FANCC: variants seen among roughly 807,000 people sequenced by gnomAD.
The protein encoded by FANCC is FA complementation group C, also known as Fanconi anemia group C protein.
In FANCC, 55 loss-of-function variants were observed where a neutral mutation model predicts 71.3. The observed-to-expected ratio is 0.77, with a 90% CI of 0.62 to 0.97. The LOEUF is 0.97. Ranked by LOEUF, FANCC falls within the 50% of genes least tolerant of loss-of-function variation. The pLI is 0.00. For synonymous variants in FANCC, 275 were observed against 244.9 expected, an observed-to-expected ratio of 1.12 and a Z score of -1.15; for missense variants, 678 against 670.9, an observed-to-expected ratio of 1.01 and a Z score of -0.12.
intron 4 of FANCC, among the ~76,000 whole-genome samples, chr9:95,195,780 T>C (rs1187406655): frequency 2.0e-5 from 3 of 152,260 alleles, no homozygotes; most frequent in African/African-American, 7.2e-5. Context: ...TCTTTAAGCA[T>C]TTATTTCATC....
intron 6 of FANCC, among the ~76,000 whole-genome samples, chr9:95,163,050 T>C (rs1830848327): frequency 6.6e-6 from 1 of 152,226 alleles, no homozygotes; most frequent in East Asian, 1.9e-4. Flanking sequence ...CCATGACACT[T>C]TTCTCCTACA....
At chr9:95,259,745 G>A (rs985867492) in intron 1 of FANCC, among the ~76,000 whole-genome samples, 1 of 152,190 alleles carries the variant, frequency 6.6e-6, no homozygotes, top group East Asian at 1.9e-4. Flanking sequence ...TATCATTAGA[G>A]TGAACGGGCA....
chr9:95,223,619 A>G (rs1007198907), intron 4 of FANCC, among the ~76,000 whole-genome samples: 1 of 152,194 alleles, frequency 6.6e-6, no homozygotes, highest in Non-Finnish European at 1.5e-5. Context: ...ACAAACTCAA[A>G]AAGTCGAAAA....
intron 1 of FANCC, among the ~76,000 whole-genome samples, chr9:95,278,448 T>C (rs544790363): frequency 7.2e-5 from 11 of 152,278 alleles, no homozygotes; most frequent in African/African-American, 2.4e-4. Flanking sequence ...ATAGAACACT[T>C]GAATAACACT....
chr9:95,158,801 T>C (rs946195663), intron 6 of FANCC, among the ~76,000 whole-genome samples: 1 of 152,214 alleles, frequency 6.6e-6, no homozygotes, highest in Non-Finnish European at 1.5e-5. Flanking sequence ...ATGTTGATGC[T>C]GCTGATTGGT....
chr9:95,162,262 C>T (rs1387814318), intron 6 of FANCC, among the ~76,000 whole-genome samples: 1 of 152,206 alleles, frequency 6.6e-6, no homozygotes. Context: ...TAAGTTTCAT[C>T]CACACTGTAG....
At chr9:95,288,356 G>T (rs1833809277) in intron 1 of FANCC, among the ~76,000 whole-genome samples, 1 of 152,114 alleles carries the variant, frequency 6.6e-6, no homozygotes, top group Non-Finnish European at 1.5e-5. Flanking sequence ...TGTTACAGCA[G>T]ATCTTAAGAG....
At chr9:95,124,362 TGAAAGGTGAAAGC>T (rs1825641723) in intron 10 of FANCC, among the ~76,000 whole-genome samples, 1 of 152,142 alleles carries the variant, frequency 6.6e-6, no homozygotes, top group Admixed American at 6.5e-5. Flanking sequence ...ATATATATGC[TGAAAGGTGAAAGC>T]TCGCTGGTAG....
intron 4 of FANCC, among the ~76,000 whole-genome samples, chr9:95,215,283 G>A (rs912525149): frequency 1.3e-5 from 2 of 152,128 alleles, no homozygotes; most frequent in African/African-American, 4.8e-5. Context: ...CCTCTCTTAG[G>A]GGAGCAGAGA....
intron 1 of FANCC, among the ~76,000 whole-genome samples, chr9:95,298,994 G>A (rs368203701): frequency 9.2e-5 from 14 of 151,962 alleles, no homozygotes; most frequent in African/African-American, 3.1e-4. Flanking sequence ...AAAATACTAC[G>A]GTATATATGG....
intron 4 of FANCC, among the ~76,000 whole-genome samples, chr9:95,230,912 T>C (rs1308775381): frequency 2.6e-5 from 4 of 151,738 alleles, no homozygotes; most frequent in African/African-American, 4.8e-5. Flanking sequence ...AGACATAGAG[T>C]GCTCATTGGT....
At chr9:95,252,744 C>CAAA (rs34174200) in intron 1 of FANCC, among the ~76,000 whole-genome samples, 4 of 54,900 alleles carry the variant, frequency 7.3e-5, no homozygotes, top group African/African-American at 2.7e-4. Context: ...GACTCTGTCT[C>CAAA]AAAAAAAAAA....
intron 4 of FANCC, among the ~76,000 whole-genome samples, chr9:95,198,425 T>C (rs912092538): frequency 6.6e-6 from 1 of 152,352 alleles, no homozygotes; most frequent in Non-Finnish European, 1.5e-5. Context: ...CTGTTTTACA[T>C]AGAAATACAA....
intron 1 of FANCC, among the ~76,000 whole-genome samples, chr9:95,298,059 T>C (rs1309335447): frequency 1.3e-5 from 2 of 151,932 alleles, no homozygotes; most frequent in South Asian, 2.1e-4. Flanking sequence ...ACAAGCAATA[T>C]AGAAAATGGA....
At chr9:95,214,766 G>GT (rs1331645896) in intron 4 of FANCC, among the ~76,000 whole-genome samples, 9 of 152,170 alleles carry the variant, frequency 5.9e-5, no homozygotes, top group Non-Finnish European at 1.3e-4. Flanking sequence ...AAAGACAAAC[G>GT]TATGACTCCG....
chr9:95,104,838 G>A (rs1303526021), intron 14 of FANCC, among the ~76,000 whole-genome samples: 2 of 152,132 alleles, frequency 1.3e-5, no homozygotes, highest in East Asian at 1.9e-4. Context: ...TCACAGGGCA[G>A]GGCTGACCAT....
intron 4 of FANCC, among the ~76,000 whole-genome samples, chr9:95,194,237 T>C (rs1827280096): frequency 6.6e-6 from 1 of 152,136 alleles, no homozygotes; most frequent in Non-Finnish European, 1.5e-5. Context: ...TAGTACTCCC[T>C]TTGTGGAGCT....
chr9:95,206,512 C>T (rs998940941), intron 4 of FANCC, among the ~76,000 whole-genome samples: 5 of 152,140 alleles, frequency 3.3e-5, no homozygotes, highest in African/African-American at 4.8e-5. Context: ...TTAATGTGCA[C>T]AAATGGCTAA....
At chr9:95,289,901 C>T (rs2136304612) in intron 1 of FANCC, among the ~76,000 whole-genome samples, 1 of 152,302 alleles carries the variant, frequency 6.6e-6, no homozygotes, top group African/African-American at 2.4e-5. Context: ...TCAAGTGATC[C>T]TCCTGCCTCA....
Sources: gnomAD v4.1 joint callset for allele counts (sites outside exome capture counted in the v4.1 genomes callset) on GRCh38, gnomAD v4.1.1 for gene constraint, MANE v1.5 for transcripts, NCBI Gene and HGNC (gene_info 2026-07-23, HGNC 2026-07-21) for gene names.